The following ZFAT variants were observed in gnomAD, a reference collection of about 807,000 sequenced individuals.
ZFAT encodes zinc finger protein ZFAT.
In ZFAT, 64 loss-of-function variants were observed where a neutral mutation model predicts 117.7. The observed-to-expected ratio is 0.54, with a 90% CI of 0.44 to 0.67. The LOEUF is 0.67. Among genes scored for constraint, ZFAT ranks in the 30% least tolerant of loss-of-function variants. ZFAT has a pLI of 0.00. For synonymous variants in ZFAT, 679 were observed against 615.0 expected (o/e 1.10, Z -1.54); for missense variants, 1,433 against 1,584.5 (o/e 0.90, Z 1.62).
chr8:134,771,716 A>G, the ZFAT span, among the ~76,000 whole-genome samples: 1 of 152,336 alleles, frequency 6.6e-6, no homozygotes, highest in South Asian at 2.1e-4. Context: ...ATTTTCAGGT[A>G]TCTACAGCAG....
At chr8:134,812,342 T>C in the ZFAT span, among the ~76,000 whole-genome samples, 3 of 152,354 alleles carry the variant, frequency 2.0e-5, no homozygotes, top group South Asian at 6.2e-4. Context: ...TTTAATTCTT[T>C]ATGTTTCACT....
chr8:134,497,337 C>G (rs988679731), intron 15 of ZFAT, among the ~76,000 whole-genome samples: 1 of 152,218 alleles, frequency 6.6e-6, no homozygotes, highest in African/African-American at 2.4e-5. Context: ...CCTCTGTGAG[C>G]CAGAGGAGGG....
At chr8:134,803,519 G>C in the ZFAT span, among the ~76,000 whole-genome samples, 1 of 152,156 alleles carries the variant, frequency 6.6e-6, no homozygotes, top group Non-Finnish European at 1.5e-5. Context: ...CCTGAAAATT[G>C]TATTTACAAG....
intron 3 of ZFAT, among the ~76,000 whole-genome samples, chr8:134,631,700 C>A (rs979693012): frequency 2.0e-5 from 3 of 152,190 alleles, no homozygotes; most frequent in African/African-American, 7.2e-5. Context: ...CAGAGCAGTT[C>A]TGCCTCCTGG....
rs554108906 is a variant in ZFAT, at chr8:134,690,171, A to G, written c.19+22674T>C. 3.9e-5 allele frequency among the ~76,000 whole-genome samples: 6 copies of G among 152,312 alleles called. No individual in the cohort carries two copies. The South Asian group carries it at 1.2e-3, about 32-fold the overall frequency. ...ACCAGGCAACTTTTCCCTGCAGACG[A>G]GAGAAATGTAATACACAGGTTCTAC... On this transcript the variant is annotated intron_variant, in intron 1 of 15. Transcript: ENST00000377838.
At chr8:134,758,229 G>C in the ZFAT span, among the ~76,000 whole-genome samples, 27 of 152,320 alleles carry the variant, frequency 1.8e-4, no homozygotes, top group African/African-American at 6.5e-4. Context: ...TGTAGATTTG[G>C]AGTTCTTTGC....
At chr8:134,809,253 C>T in the ZFAT span, among the ~76,000 whole-genome samples, 1 of 152,178 alleles carries the variant, frequency 6.6e-6, no homozygotes, top group African/African-American at 2.4e-5. Flanking sequence ...CAGACCCCCA[C>T]CACAGACCTA....
chr8:134,570,490 C>T (rs1222878846), intron 10 of ZFAT, among the ~76,000 whole-genome samples: 1 of 152,110 alleles, frequency 6.6e-6, no homozygotes, highest in Non-Finnish European at 1.5e-5. Context: ...TGGGTTTGGG[C>T]TTTGGTTGCA....
Position 134,712,886 on chromosome 8 carries a change from A to G in ZFAT, c.-23T>C, listed in dbSNP as rs1814078228. ...CATGGCAACGCCCCACCGCGGAGGA[A>G]AAAAAAGCCTCGGGCTCTTCCGGGC... On this transcript the variant is annotated 5_prime_UTR_variant, in exon 1 of 16. Coordinates refer to ENST00000377838, the MANE Select transcript of ZFAT (RefSeq NM_020863.4). 1 of 1,505,990 alleles carries G rather than the reference A, an allele frequency of 6.6e-7. No individual in the cohort carries two copies. Among genetic ancestry groups the G allele is most frequent in the Non-Finnish European group, 8.9e-7 (1 of 1,127,036 alleles). 93.3% of individuals were successfully genotyped at this position (1,505,990 alleles called of 1,614,324 possible).
intron 3 of ZFAT, among the ~76,000 whole-genome samples, chr8:134,632,777 T>G (rs972642809): frequency 4.6e-5 from 7 of 151,274 alleles, no homozygotes. Flanking sequence ...TTGCAGAAAA[T>G]ATTTTCAGCA....
intron 11 of ZFAT, among the ~76,000 whole-genome samples, chr8:134,557,344 C>T (rs1230671536): frequency 6.6e-6 from 1 of 152,164 alleles, no homozygotes; most frequent in Non-Finnish European, 1.5e-5. Flanking sequence ...TAAATCCAAA[C>T]AGATCCTAAA....
At chr8:134,671,822 T>C (rs1832574933) in intron 1 of ZFAT, among the ~76,000 whole-genome samples, 1 of 152,228 alleles carries the variant, frequency 6.6e-6, no homozygotes, top group African/African-American at 2.4e-5. Context: ...TTGTCCCTGT[T>C]TGCAGATGAC....
At chr8:134,564,946 C>T (rs941382997) in intron 11 of ZFAT, 3 of 1,211,958 alleles carry the variant, frequency 2.5e-6, no homozygotes, top group Admixed American at 3.2e-5. Flanking sequence ...CAACTGCTTG[C>T]CGGGTGGGCT....
intron 11 of ZFAT, among the ~76,000 whole-genome samples, chr8:134,537,975 G>C (rs550943867): frequency 2.6e-5 from 4 of 152,312 alleles, no homozygotes; most frequent in African/African-American, 9.6e-5. Context: ...ATGGGAGGGA[G>C]AGGGTGTATT....
intron 7 of ZFAT, 70 bp downstream of exon 7, chr8:134,600,366 A>G (rs1827318149): frequency 2.9e-6 from 4 of 1,359,266 alleles, no homozygotes; most frequent in Non-Finnish European, 4.2e-6. Context: ...ACACCTACAT[A>G]TAAGCATAAA....
intron 1 of ZFAT, 134 bp from the exon 2 acceptor site, chr8:134,657,871 A>T: frequency 1.1e-6 from 1 of 947,208 alleles, no homozygotes; most frequent in Non-Finnish European, 1.6e-6. Flanking sequence ...TCTCTCTGGC[A>T]GTCACCTCCA....
chr8:134,711,136 G>T (rs1586980173), intron 1 of ZFAT, among the ~76,000 whole-genome samples: 1 of 152,128 alleles, frequency 6.6e-6, no homozygotes, highest in Admixed American at 6.5e-5. Context: ...GTTTTGTTTT[G>T]TTTTTTGAGA....
chr8:134,696,911 A>G (rs1373159213), intron 1 of ZFAT, among the ~76,000 whole-genome samples: 1 of 151,694 alleles, frequency 6.6e-6, no homozygotes, highest in East Asian at 1.9e-4. Context: ...TCAGGAAACT[A>G]ATCCAACAAT....
intron 7 of ZFAT, among the ~76,000 whole-genome samples, 168 bp from the exon 8 acceptor site, chr8:134,590,523 TCAC>T (rs1826390816): frequency 6.9e-6 from 1 of 144,438 alleles, no homozygotes; most frequent in African/African-American, 2.6e-5. Flanking sequence ...AATACCATCA[TCAC>T]CACCACTAGC....
Sources: gnomAD v4.1 joint callset for allele counts (sites outside exome capture counted in the v4.1 genomes callset) on GRCh38, gnomAD v4.1.1 for gene constraint, MANE v1.5 for transcripts, NCBI Gene and HGNC (gene_info 2026-07-23, HGNC 2026-07-21) for gene names.